ANKRD30B: variants seen among roughly 807,000 people sequenced by gnomAD.
ANKRD30B encodes ankyrin repeat domain 30B.
In ANKRD30B, 144 loss-of-function variants were observed where a neutral mutation model predicts 202.2. The observed-to-expected ratio is 0.71, with a 90% CI of 0.62 to 0.82. The LOEUF (loss-of-function observed/expected upper bound fraction) is 0.82, where lower values mean the gene tolerates loss of function less well. ANKRD30B is among the 40% of genes least tolerant of loss of function. The pLI, the probability that ANKRD30B is intolerant of heterozygous loss-of-function variation, is 0.00. For synonymous variants in ANKRD30B, 508 were observed against 561.3 expected, an observed-to-expected ratio of 0.91 and a Z score of 1.34; for missense variants, 1,487 against 1,669.1, an observed-to-expected ratio of 0.89 and a Z score of 1.90.
At chr18:14,797,126 T>G (rs1968956879) in intron 18 of ANKRD30B, among the ~76,000 whole-genome samples, 1 of 151,448 alleles carries the variant, frequency 6.6e-6, no homozygotes, top group South Asian at 2.1e-4. Flanking sequence ...CAGAAGGGAG[T>G]ATGCCTTAAC....
the ANKRD30B span, among the ~76,000 whole-genome samples, chr18:14,908,013 T>C: frequency 6.6e-6 from 1 of 152,030 alleles, no homozygotes; most frequent in Non-Finnish European, 1.5e-5. Context: ...TGCGCAGGAG[T>C]CATATAAAAT....
the ANKRD30B span, among the ~76,000 whole-genome samples, chr18:14,889,453 C>G: frequency 3.2e-4 from 49 of 152,226 alleles, 1 homozygote; most frequent in African/African-American, 1.2e-3. Context: ...ATACTGAGCT[C>G]TGGGAATACA....
At chr18:14,811,025 G>A (rs1369079286) in intron 28 of ANKRD30B, among the ~76,000 whole-genome samples, 1 of 151,024 alleles carries the variant, frequency 6.6e-6, no homozygotes, top group Non-Finnish European at 1.5e-5. Context: ...TGAGGCAGGA[G>A]AATTGCTTGA....
intron 36 of ANKRD30B, among the ~76,000 whole-genome samples, chr18:14,838,883 T>C (rs1272723060): frequency 6.6e-6 from 1 of 152,254 alleles, no homozygotes; most frequent in African/African-American, 2.4e-5. Flanking sequence ...GGAAAGTCTG[T>C]ATACAAATGT....
chr18:14,889,055 A>T, the ANKRD30B span, among the ~76,000 whole-genome samples: 1 of 151,528 alleles, frequency 6.6e-6, no homozygotes, highest in Non-Finnish European at 1.5e-5. Context: ...ATTGTTAGCT[A>T]TACTTATGTA....
At chr18:14,876,062 A>G in the ANKRD30B span, among the ~76,000 whole-genome samples, 1 of 152,088 alleles carries the variant, frequency 6.6e-6, no homozygotes, top group Non-Finnish European at 1.5e-5. Context: ...GCTTTGGACA[A>G]CTAATGTGCC....
At chr18:14,899,995 A>C in the ANKRD30B span, among the ~76,000 whole-genome samples, 1 of 152,194 alleles carries the variant, frequency 6.6e-6, no homozygotes. Context: ...AATTCCAGGC[A>C]TTCATATTTG....
chr18:14,931,903 C>G, the ANKRD30B span, among the ~76,000 whole-genome samples: 1 of 144,622 alleles, frequency 6.9e-6, no homozygotes, highest in East Asian at 2.1e-4. Flanking sequence ...TGTCCCAGGC[C>G]CCCCACCCCA....
chr18:14,916,858 T>C, the ANKRD30B span, among the ~76,000 whole-genome samples: 1 of 151,964 alleles, frequency 6.6e-6, no homozygotes, highest in Admixed American at 6.5e-5. Flanking sequence ...GTGAGCACTG[T>C]CATTCCCACT....
At chr18:14,921,704 G>A in the ANKRD30B span, among the ~76,000 whole-genome samples, 1 of 152,202 alleles carries the variant, frequency 6.6e-6, no homozygotes, top group Non-Finnish European at 1.5e-5. Flanking sequence ...AGAGTTGGCA[G>A]GTAAGGCTGT....
the ANKRD30B span, among the ~76,000 whole-genome samples, chr18:14,912,280 G>A: frequency 6.6e-6 from 1 of 152,122 alleles, no homozygotes; most frequent in Non-Finnish European, 1.5e-5. Context: ...TTATTATGAT[G>A]AGCTGTATTC....
chr18:14,878,660 CCTTTCCCTCTTATTATTAAAATA>C, the ANKRD30B span, among the ~76,000 whole-genome samples: 33 of 152,276 alleles, frequency 2.2e-4, no homozygotes, highest in African/African-American at 7.7e-4. Flanking sequence ...ATCCCAGCCC[CCTTTCCCTCTTATTATTAAAATA>C]GAGGACAAAA....
chr18:14,928,056 C>T, the ANKRD30B span, among the ~76,000 whole-genome samples: 1 of 152,102 alleles, frequency 6.6e-6, no homozygotes, highest in African/African-American at 2.4e-5. Flanking sequence ...CAACTTCTCT[C>T]TCCTAGGTTC....
intron 16 of ANKRD30B, among the ~76,000 whole-genome samples, chr18:14,793,818 CG>C (rs200412075): frequency 6.6e-6 from 1 of 151,162 alleles, no homozygotes; most frequent in East Asian, 1.9e-4. Context: ...GGCCTGAACC[CG>C]GGAGGTGGAG....
intron 3 of ANKRD30B, 26 bp from the exon 4 acceptor site, chr18:14,754,873 T>C (rs746756066): frequency 1.1e-5 from 16 of 1,438,678 alleles, no homozygotes; most frequent in Non-Finnish European, 1.5e-5. Context: ...ATTTCATGAA[T>C]TATATATTGT....
At chr18:14,833,972 A>G (rs1438463528) in intron 34 of ANKRD30B, among the ~76,000 whole-genome samples, 1 of 152,134 alleles carries the variant, frequency 6.6e-6, no homozygotes, top group Non-Finnish European at 1.5e-5. Context: ...ACAGGTCTCT[A>G]TTTAGTTGCT....
Position 14,784,475 on chromosome 18 carries a change from A to G in ANKRD30B, c.1612A>G (p.Met538Val). 1 of 1,613,320 alleles carries G rather than the reference A, an allele frequency of 6.2e-7. No individual in the cohort carries two copies. The highest frequency in any genetic ancestry group is 8.5e-7 in the Non-Finnish European group (1 of 1,179,444). ...KPSAFKPAVE[M>V]QKTVPNKAFE... ...CAAACCCATTTAGCCTGCCGTTGAA[A>G]TGCAAAAGACTGTTCCAAATAAAGC... Residue 538 changes from methionine to valine, a missense_variant, in exon 14 of 44, where the codon ATG becomes GTG. Physicochemically the swap from Met to Val is conservative, Grantham distance 21. Around this residue, in one of 6 missense-constraint regions of ANKRD30B, gnomAD observed 889 missense variants for 841.4 expected, o/e 1.06. Transcript: ENST00000690538.
At chr18:14,940,251 G>A in the ANKRD30B span, among the ~76,000 whole-genome samples, 6 of 152,278 alleles carry the variant, frequency 3.9e-5, no homozygotes, top group South Asian at 4.2e-4. Context: ...CATGGCTTTC[G>A]TTCTTCCCGT....
At chr18:14,924,214 G>A in the ANKRD30B span, among the ~76,000 whole-genome samples, 6 of 152,182 alleles carry the variant, frequency 3.9e-5, no homozygotes, top group African/African-American at 1.2e-4. Context: ...CAGTAGAACT[G>A]TGGTATTTTA....
Sources: gnomAD v4.1 joint callset for allele counts (sites outside exome capture counted in the v4.1 genomes callset) on GRCh38, gnomAD v4.1.1 for gene constraint, gnomAD v4.1.1 regional missense constraint, MANE v1.5 for transcripts, NCBI Gene and HGNC (gene_info 2026-07-23, HGNC 2026-07-21) for gene names.